Variants in TMC5 observed in about 807,000 individuals in gnomAD.
TMC5 encodes transmembrane channel like 5, also known as transmembrane channel-like protein 5.
In TMC5, 86 loss-of-function variants were observed where a neutral mutation model predicts 110.5. The ratio of observed to expected loss-of-function variants is 0.78; its 90% CI spans 0.65 to 0.93. The LOEUF (loss-of-function observed/expected upper bound fraction) is 0.93. Ranked by LOEUF, TMC5 falls within the 40% of genes least tolerant of loss-of-function variation. The probability of loss-of-function intolerance (pLI) is 0.00; values close to 1 mark genes in which losing one functional copy is unlikely to be tolerated. For missense variants in TMC5, 1,144 were observed against 1,222.8 expected, an observed-to-expected ratio of 0.94 and a Z score of 0.96; for synonymous variants, 455 against 439.5, an observed-to-expected ratio of 1.04 and a Z score of -0.44.
chr16:19,456,516 T>G, intron 5 of TMC5: 1 of 1,353,768 alleles, frequency 7.4e-7, no homozygotes. Context: ...ATGCAGGGAG[T>G]TATGTTGTGA....
chr16:19,434,611 A>C (rs547927740), intron 2 of TMC5, among the ~76,000 whole-genome samples: 1 of 151,574 alleles, frequency 6.6e-6, no homozygotes, highest in African/African-American at 2.4e-5. Flanking sequence ...GATGTGAGCC[A>C]TCATGCCTGG....
intron 15 of TMC5, 115 bp downstream of exon 15, chr16:19,481,580 A>C (rs1597211170): frequency 1.3e-6 from 1 of 746,906 alleles, no homozygotes; most frequent in Non-Finnish European, 2.4e-6. Flanking sequence ...GTGATAACCC[A>C]TCCAGCCAGT....
chr16:19,456,773 A>C, intron 5 of TMC5: 1 of 1,614,122 alleles, frequency 6.2e-7, no homozygotes, highest in Non-Finnish European at 8.5e-7. Context: ...TGGGGTCCAA[A>C]GCCACCCATC....
At chr16:19,496,639 C>T (rs1004970858) in intron 20 of TMC5, among the ~76,000 whole-genome samples, 1 of 151,980 alleles carries the variant, frequency 6.6e-6, no homozygotes, top group Non-Finnish European at 1.5e-5. Context: ...AATCCCAGCA[C>T]TTTGGGAGGC....
chr16:19,493,465 C>CTT (rs1555486910), intron 19 of TMC5, among the ~76,000 whole-genome samples: 2 of 74,790 alleles, frequency 2.7e-5, no homozygotes, highest in Non-Finnish European at 3.9e-5. Context: ...CTCTCTCTCT[C>CTT]TTTTTTTTTT....
intron 1 of TMC5, among the ~76,000 whole-genome samples, chr16:19,419,107 C>T (rs2143339554): frequency 6.6e-6 from 1 of 152,270 alleles, no homozygotes. Flanking sequence ...CCCATTCTGC[C>T]TCTGTTTAGC....
intron 2 of TMC5, among the ~76,000 whole-genome samples, chr16:19,437,715 C>T (rs1967379219): frequency 6.6e-6 from 1 of 152,206 alleles, no homozygotes; most frequent in African/African-American, 2.4e-5. Context: ...TTTTCCTTCT[C>T]ATCCTTTCCC....
intron 17 of TMC5, 125 bp downstream of exon 17, chr16:19,487,451 C>A (rs548321504): frequency 2.3e-6 from 3 of 1,299,796 alleles, no homozygotes; most frequent in African/African-American, 3.0e-5. Flanking sequence ...CCTGTGATCC[C>A]GGCACTATGG....
chr16:19,434,111 ATATATATC>A (rs1967262621), intron 2 of TMC5, among the ~76,000 whole-genome samples: 1 of 116,202 alleles, frequency 8.6e-6, no homozygotes, highest in African/African-American at 3.4e-5. Flanking sequence ...TATATATTAT[ATATATATC>A]TATATATCTA....
Position 19,430,475 on chromosome 16 carries a change from A to T in TMC5, c.-245A>T, listed in dbSNP as rs962804605. 1 of 152,400 alleles carries T rather than the reference A, an allele frequency of 6.6e-6. No homozygotes were observed. Among genetic ancestry groups the T allele is most frequent in the Non-Finnish European group, 1.5e-5 (1 of 68,050 alleles). 9.4% of individuals were successfully genotyped at this position (152,400 alleles called of 1,614,324 possible). On this transcript the variant is annotated 5_prime_UTR_variant, in exon 2 of 22. Transcript: ENST00000542583. The stretch of plus-strand genomic sequence containing the variant: ...TTCAGACTTCAGACCAGCATCACAG[A>T]TTATAACCCTCCGTAAATCATCTGC...
rs745848464 is a variant in TMC5, at chr16:19,463,741, C to T, written c.1237-35C>T. 6.2e-6 allele frequency: 10 copies of T among 1,604,028 alleles called. No individual in the cohort carries two copies. The South Asian group carries it at 7.8e-5, about 13-fold the overall frequency. On this transcript the variant is annotated intron_variant, in intron 7 of 21. Transcript: ENST00000542583. Reference sequence around the variant, plus strand: ...GCTCAGTCGATATTTGTTGAGTCAACAGCAAGCCACACCTGCTTTGAATCC... The same window carrying T: ...GCTCAGTCGATATTTGTTGAGTCAATAGCAAGCCACACCTGCTTTGAATCC...
intron 19 of TMC5, among the ~76,000 whole-genome samples, chr16:19,493,608 G>A (rs574106496): frequency 2.6e-4 from 40 of 152,014 alleles, no homozygotes; most frequent in African/African-American, 8.4e-4. Flanking sequence ...TTACAGGTGT[G>A]TGCCACCACG....
At chr16:19,412,394 C>G (rs939208429) in intron 1 of TMC5, among the ~76,000 whole-genome samples, 4 of 149,118 alleles carry the variant, frequency 2.7e-5, no homozygotes, top group African/African-American at 9.9e-5. Context: ...TTGAGACAGT[C>G]TCGTTCTGTT....
intron 10 of TMC5, among the ~76,000 whole-genome samples, chr16:19,471,647 T>G (rs7202676): frequency 0.14 from 20,990 of 152,216 alleles, 2,240 homozygotes; most frequent in African/African-American, 0.29. Context: ...ACCTGTGGAT[T>G]TGGGCTGGAT....
chr16:19,479,932 C>CAA (rs34291127), intron 14 of TMC5, among the ~76,000 whole-genome samples: 15 of 95,772 alleles, frequency 1.6e-4, no homozygotes, highest in African/African-American at 3.7e-4. Context: ...TGTCTCTATC[C>CAA]AAAAAAAAAA....
chr16:19,447,034 A>G (rs537751420), intron 4 of TMC5, among the ~76,000 whole-genome samples: 1 of 152,042 alleles, frequency 6.6e-6, no homozygotes, highest in Non-Finnish European at 1.5e-5. Context: ...AACAACAACA[A>G]CAACAACTAT....
intron 6 of TMC5, among the ~76,000 whole-genome samples, chr16:19,462,796 G>A (rs1968058720): frequency 6.6e-6 from 1 of 151,804 alleles, no homozygotes; most frequent in Non-Finnish European, 1.5e-5. Context: ...TACTCGGGAG[G>A]CTGAGGCAGG....
intron 15 of TMC5, among the ~76,000 whole-genome samples, chr16:19,482,323 G>A (rs563789847): frequency 8.1e-4 from 124 of 152,320 alleles, no homozygotes; most frequent in African/African-American, 2.6e-3. Context: ...GGATCCCAAA[G>A]TGTTGGGATT....
At position 19,487,131 on chromosome 16, in the gene TMC5, G is replaced by C. The variant is rs570398568; in HGVS notation, c.2440-62G>C. On this transcript the variant is annotated intron_variant, in intron 16 of 21. Transcript: ENST00000542583. ...CAAAGGTGTCAGGAAGCCAGGCCTG[G>C]CTGGGGTCCCTCTGCCGCTGCTCCG... is the stretch of plus-strand genomic sequence containing the variant. The C allele has an allele frequency of 2.5e-6, 4 of 1,604,680 alleles. No individual in the cohort carries two copies. In the African/African-American group the frequency reaches 5.3e-5, roughly 21 times the overall value.
Sources: allele counts gnomAD v4.1 joint callset (sites outside exome capture counted in the v4.1 genomes callset), GRCh38; gene constraint gnomAD v4.1.1; transcripts MANE v1.5; gene names NCBI Gene and HGNC (gene_info 2026-07-23, HGNC 2026-07-21).